The following RBM26 variants were observed in gnomAD, a reference collection of about 807,000 sequenced individuals.
RBM26 encodes the protein RNA-binding protein 26.
A neutral mutation model predicts 123.6 loss-of-function variants in RBM26; 30 were observed. That is an observed-to-expected ratio of 0.24 (90% CI 0.18 to 0.33). The LOEUF is 0.33. RBM26 is among the 10% of genes least tolerant of loss of function. The probability of loss-of-function intolerance (pLI) is 1.00; values close to 1 mark genes in which losing one functional copy is unlikely to be tolerated. For missense variants in RBM26, 947 were observed against 1,203.6 expected, an observed-to-expected ratio of 0.79 and a Z score of 3.15; for synonymous variants, 400 against 404.4, an observed-to-expected ratio of 0.99 and a Z score of 0.13.
intron 9 of RBM26, among the ~76,000 whole-genome samples, chr13:79,364,169 C>CA (rs2075019404): frequency 1.3e-5 from 2 of 152,176 alleles, no homozygotes; most frequent in South Asian, 4.1e-4. Context: ...TGAAATTCCT[C>CA]AAAGAGAATT....
At chr13:79,349,684 A>C (rs1028275765) in intron 14 of RBM26, among the ~76,000 whole-genome samples, 58 of 152,132 alleles carry the variant, frequency 3.8e-4, no homozygotes, top group Non-Finnish European at 7.2e-4. Context: ...AAGAAAAAAA[A>C]ACTATGATAA....
chr13:79,315,300 G>A (rs1398143657), downstream of RBM26, among the ~76,000 whole-genome samples: 1 of 151,844 alleles, frequency 6.6e-6, no homozygotes, highest in Non-Finnish European at 1.5e-5. Flanking sequence ...TCACAGAGAT[G>A]TGGGTAGGCA....
chr13:79,401,228 A>G (rs991214765), intron 1 of RBM26, among the ~76,000 whole-genome samples: 2 of 152,212 alleles, frequency 1.3e-5, no homozygotes, highest in African/African-American at 2.4e-5. Flanking sequence ...GGTGAAGGGG[A>G]AAAATACTAC....
intron 1 of RBM26, among the ~76,000 whole-genome samples, chr13:79,379,545 A>AT (rs2076915219): frequency 6.6e-6 from 1 of 150,914 alleles, no homozygotes; most frequent in Non-Finnish European, 1.5e-5. Flanking sequence ...CCCTATCTCA[A>AT]AAAAAAAAGA....
At chr13:79,343,015 T>C (rs1004121257) in intron 16 of RBM26, among the ~76,000 whole-genome samples, 184 bp from the exon 17 acceptor site, 3 of 151,924 alleles carry the variant, frequency 2.0e-5, no homozygotes, top group Admixed American at 2.0e-4. Flanking sequence ...ATGCTAACTA[T>C]CTCAACTCAA....
chr13:79,346,684 A>C (rs915414979), intron 14 of RBM26, among the ~76,000 whole-genome samples: 1 of 152,200 alleles, frequency 6.6e-6, no homozygotes, highest in African/African-American at 2.4e-5. Context: ...CCAATTAAAC[A>C]AAGATTTTGT....
At chr13:79,325,644 A>G (rs568254706) in intron 20 of RBM26, among the ~76,000 whole-genome samples, 39 of 152,298 alleles carry the variant, frequency 2.6e-4, no homozygotes, top group African/African-American at 9.1e-4. Flanking sequence ...TAAAAATTGT[A>G]AAGTTTAAAA....
chr13:79,329,640 C>CT (rs2068984445), intron 20 of RBM26, among the ~76,000 whole-genome samples: 1 of 152,028 alleles, frequency 6.6e-6, no homozygotes, highest in Non-Finnish European at 1.5e-5. Context: ...ATAACTTCAA[C>CT]ATTAATAACT....
intron 9 of RBM26, 38 bp from the exon 10 acceptor site, chr13:79,359,724 AG>A (rs768276061): frequency 3.3e-5 from 39 of 1,180,468 alleles, no homozygotes; most frequent in Non-Finnish European, 4.6e-5. Context: ...AAATAAGCAT[AG>A]GTTAATATTT....
intron 3 of RBM26, among the ~76,000 whole-genome samples, chr13:79,373,284 A>T (rs186141348): frequency 0.025 from 2,728 of 108,694 alleles, 105 homozygotes; most frequent in African/African-American, 0.078. Flanking sequence ...GTATTTATAT[A>T]TTTATATATA....
chr13:79,370,839 C>A, intron 5 of RBM26, 106 bp downstream of exon 5: 3 of 1,211,850 alleles, frequency 2.5e-6, no homozygotes, highest in Non-Finnish European at 3.5e-6. Context: ...CAGAATACAT[C>A]ATAATAGAAA....
chr13:79,391,978 T>C (rs1389841887), intron 1 of RBM26, among the ~76,000 whole-genome samples: 2 of 137,440 alleles, frequency 1.5e-5, no homozygotes, highest in Non-Finnish European at 3.0e-5. Flanking sequence ...TATATAATTA[T>C]ATATTATGCA....
intron 11 of RBM26, 134 bp from the exon 12 acceptor site, chr13:79,355,518 G>T: frequency 1.6e-6 from 1 of 638,766 alleles, no homozygotes; most frequent in Non-Finnish European, 2.7e-6. Context: ...ATCTGGATTA[G>T]TAGACCACAG....
At chr13:79,368,642 C>A in intron 6 of RBM26, 88 bp downstream of exon 6, 2 of 1,295,260 alleles carry the variant, frequency 1.5e-6, no homozygotes, top group Non-Finnish European at 1.1e-6. Flanking sequence ...AGAGGTAAGT[C>A]TTTGAATAAC....
At chr13:79,338,435 G>A (rs1403840179) in intron 18 of RBM26, among the ~76,000 whole-genome samples, 2 of 151,932 alleles carry the variant, frequency 1.3e-5, no homozygotes, top group Non-Finnish European at 2.9e-5. Context: ...AATCAAAGGA[G>A]GAGCAAAGAA....
intron 14 of RBM26, among the ~76,000 whole-genome samples, chr13:79,345,518 A>C (rs2072177120): frequency 6.6e-6 from 1 of 152,118 alleles, no homozygotes; most frequent in Non-Finnish European, 1.5e-5. Context: ...AAGGGCATTA[A>C]CATAAAGACT....
In RBM26 at chr13:79,346,314, C is replaced by T. The variant is rs938750613; in HGVS notation, c.2059-1520G>A. ...TAAAATATTATAATTGTACTAGTTTCATACAGTACAGCTGATATTTAAAAA... is the reference window on the plus strand; with the variant it reads ...TAAAATATTATAATTGTACTAGTTTTATACAGTACAGCTGATATTTAAAAA... On this transcript the variant is annotated intron_variant, in intron 14 of 21. Coordinates refer to ENST00000438737, the MANE Select transcript of RBM26 (RefSeq NM_001366735.2). Among the ~76,000 whole-genome samples, 4 of 152,134 alleles carry T rather than the reference C, an allele frequency of 2.6e-5. No homozygotes were observed. In the East Asian group the frequency reaches 7.7e-4, roughly 29 times the overall value.
At chr13:79,378,587 C>T (rs147208332) in intron 2 of RBM26, among the ~76,000 whole-genome samples, 2,953 of 152,086 alleles carry the variant, frequency 0.019, 103 homozygotes, top group African/African-American at 0.067. Flanking sequence ...TTACAGGCAC[C>T]CACCATCATG....
chr13:79,320,779 T>G, intron 21 of RBM26, 69 bp from the exon 22 acceptor site: 1 of 1,342,364 alleles, frequency 7.4e-7, no homozygotes, highest in East Asian at 2.5e-5. Flanking sequence ...AAGGTGACAC[T>G]TTTAAATACT....
Sources: gnomAD v4.1 joint callset for allele counts (sites outside exome capture counted in the v4.1 genomes callset) on GRCh38, gnomAD v4.1.1 for gene constraint, MANE v1.5 for transcripts, NCBI Gene and HGNC (gene_info 2026-07-23, HGNC 2026-07-21) for gene names.